PTPRD: variants seen among roughly 807,000 people sequenced by gnomAD.
PTPRD encodes the protein receptor-type tyrosine-protein phosphatase delta.
Under a neutral mutation model 214.5 loss-of-function variants are expected in PTPRD, and 34 were observed. The ratio of observed to expected loss-of-function variants is 0.16; its 90% CI spans 0.12 to 0.21. The LOEUF is 0.21. Among genes scored for constraint, PTPRD ranks in the 10% least tolerant of loss-of-function variants. The pLI is 1.00. For synonymous variants in PTPRD, 1,128 were observed against 845.7 expected, an observed-to-expected ratio of 1.33 and a Z score of -5.79; for missense variants, 2,545 against 2,398.7, an observed-to-expected ratio of 1.06 and a Z score of -1.27.
At chr9:8,664,667 A>T (rs1398912781) in intron 12 of PTPRD, among the ~76,000 whole-genome samples, 1 of 152,210 alleles carries the variant, frequency 6.6e-6, no homozygotes, top group Non-Finnish European at 1.5e-5. Flanking sequence ...TCTTAAATGC[A>T]TGTTTGCTGA....
intron 11 of PTPRD, among the ~76,000 whole-genome samples, chr9:8,999,611 C>T (rs943035292): frequency 4.0e-5 from 6 of 151,894 alleles, no homozygotes; most frequent in South Asian, 2.1e-4. Flanking sequence ...TGGAACTGAA[C>T]CTTTAATATC....
chr9:10,529,193 A>G (rs1164305782), intron 2 of PTPRD, among the ~76,000 whole-genome samples: 1 of 152,160 alleles, frequency 6.6e-6, no homozygotes, highest in Non-Finnish European at 1.5e-5. Context: ...CAGAAATACC[A>G]TTTGATCCAG....
rs190661577 is a variant in PTPRD at position 8,340,086 on chromosome 9, C to T, written c.5253+257G>A. 1.9e-3 allele frequency among the ~76,000 whole-genome samples: 284 copies of T among 152,236 alleles called. 1 individual carries two copies. Among genetic ancestry groups the T allele is most frequent in the Non-Finnish European group, 2.9e-3 (197 of 68,006 alleles). On this transcript the variant is annotated intron_variant, in intron 42 of 45. Coordinates refer to ENST00000381196, the MANE Select transcript of PTPRD (RefSeq NM_002839.4). ...AAGTCCGACATAAGTCAAACGGGGA[C>T]ACCTGCTACTCATTTGTCTCCATGC...
intron 12 of PTPRD, among the ~76,000 whole-genome samples, chr9:8,724,275 T>C (rs988151817): frequency 2.0e-5 from 3 of 152,194 alleles, no homozygotes; most frequent in African/African-American, 7.2e-5. Flanking sequence ...TTAACATGGT[T>C]TTCTCCTTCA....
chr9:10,363,460 C>G (rs577373340), intron 2 of PTPRD, among the ~76,000 whole-genome samples: 1 of 152,210 alleles, frequency 6.6e-6, no homozygotes, highest in Non-Finnish European at 1.5e-5. Flanking sequence ...TGAAAAGTGA[C>G]ATTTCTCACT....
intron 5 of PTPRD, among the ~76,000 whole-genome samples, chr9:9,823,335 G>A (rs982066329): frequency 1.3e-5 from 2 of 151,928 alleles, no homozygotes; most frequent in African/African-American, 4.8e-5. Context: ...GAGAGAAAGA[G>A]TGAGGGCGGA....
At chr9:9,362,059 C>G (rs1187741918) in intron 9 of PTPRD, among the ~76,000 whole-genome samples, 3 of 150,930 alleles carry the variant, frequency 2.0e-5, no homozygotes, top group African/African-American at 7.3e-5. Context: ...CAAATGTTGA[C>G]TTAAAAAAAG....
intron 11 of PTPRD, among the ~76,000 whole-genome samples, chr9:8,841,897 G>C (rs1251228324): frequency 6.6e-6 from 1 of 151,812 alleles, no homozygotes; most frequent in Non-Finnish European, 1.5e-5. Flanking sequence ...GGTAATCCCA[G>C]CTACTCGGGA....
chr9:9,048,767 C>T (rs1038562510), intron 10 of PTPRD, among the ~76,000 whole-genome samples: 1 of 151,944 alleles, frequency 6.6e-6, no homozygotes, highest in African/African-American at 2.4e-5. Flanking sequence ...AACAGGGTGA[C>T]TATAATCAAT....
chr9:10,483,444 A>C (rs562796882), intron 2 of PTPRD, among the ~76,000 whole-genome samples: 23 of 152,256 alleles, frequency 1.5e-4, no homozygotes, highest in East Asian at 1.2e-3. Flanking sequence ...CTTAAACTAA[A>C]AAAGTTTCTG....
At position 10,452,903 on chromosome 9, in the gene PTPRD, G is replaced by A. The variant is rs187254993; in HGVS notation, c.-599-111886C>T. 4.1e-3 allele frequency among the ~76,000 whole-genome samples: 622 copies of A among 151,724 alleles called. 3 individuals carry two copies. Among genetic ancestry groups the A allele is most frequent in the African/African-American group, 0.014 (587 of 41,484 alleles). On this transcript the variant is annotated intron_variant, in intron 2 of 45. Coordinates refer to ENST00000381196, the MANE Select transcript of PTPRD (RefSeq NM_002839.4). ...CAGATCCAAGAAATCACTGTGAAGA[G>A]CATATCAATGAGCATTTCTCTTATG...
intron 3 of PTPRD, among the ~76,000 whole-genome samples, chr9:10,121,460 T>C (rs1254110602): frequency 6.6e-6 from 1 of 152,164 alleles, no homozygotes; most frequent in Non-Finnish European, 1.5e-5. Flanking sequence ...CAAGCCAGAT[T>C]GGGCTGTAGA....
chr9:9,130,152 C>A (rs1031123364), intron 10 of PTPRD, among the ~76,000 whole-genome samples: 26 of 151,930 alleles, frequency 1.7e-4, no homozygotes, highest in African/African-American at 6.0e-4. Context: ...GGGGCTTGGG[C>A]AATGTACAAA....
chr9:8,496,557 C>A (rs2097276816), intron 26 of PTPRD, among the ~76,000 whole-genome samples: 1 of 152,164 alleles, frequency 6.6e-6, no homozygotes, highest in South Asian at 2.1e-4. Context: ...AACATTCCTC[C>A]CTCAGCGACA....
At chr9:8,692,620 CCTAT>C (rs2097832088) in intron 12 of PTPRD, among the ~76,000 whole-genome samples, 1 of 152,108 alleles carries the variant, frequency 6.6e-6, no homozygotes, top group African/African-American at 2.4e-5. Flanking sequence ...TGAAATTAGC[CCTAT>C]CTGTCTCAAA....
At chr9:10,549,114 A>G (rs1566877681) in intron 2 of PTPRD, among the ~76,000 whole-genome samples, 1 of 152,154 alleles carries the variant, frequency 6.6e-6, no homozygotes, top group Non-Finnish European at 1.5e-5. Context: ...TCTTATCAAT[A>G]TATGTCCTGC....
intron 2 of PTPRD, among the ~76,000 whole-genome samples, chr9:10,482,333 T>G (rs1394839121): frequency 6.6e-6 from 1 of 152,006 alleles, no homozygotes; most frequent in South Asian, 2.1e-4. Context: ...ATGGCGCCAC[T>G]GCACTCCAGC....
intron 36 of PTPRD, among the ~76,000 whole-genome samples, chr9:8,397,559 C>T (rs546871850): frequency 6.6e-6 from 1 of 152,054 alleles, no homozygotes. Context: ...AGCATGGGTA[C>T]AATGTGAAAT....
intron 10 of PTPRD, among the ~76,000 whole-genome samples, chr9:9,161,193 T>C (rs2099887812): frequency 6.6e-6 from 1 of 152,154 alleles, no homozygotes; most frequent in Admixed American, 6.6e-5. Context: ...AAATTTCAAA[T>C]GTCTCACCAC....
Sources: gnomAD v4.1 joint callset for allele counts (sites outside exome capture counted in the v4.1 genomes callset) on GRCh38, gnomAD v4.1.1 for gene constraint, MANE v1.5 for transcripts, NCBI Gene and HGNC (gene_info 2026-07-23, HGNC 2026-07-21) for gene names.